Variants in HSPA8 observed in about 807,000 individuals in gnomAD.
HSPA8 encodes the protein heat shock protein family A (Hsp70) member 8.
A neutral mutation model predicts 52.8 loss-of-function variants in HSPA8; 2 were observed. The observed-to-expected ratio is 0.04, with a 90% CI of 0.02 to 0.12. The LOEUF (loss-of-function observed/expected upper bound fraction) is 0.12, where lower values mean the gene tolerates loss of function less well. Ranked by LOEUF, HSPA8 falls within the 10% of genes least tolerant of loss-of-function variation. The pLI, the probability that HSPA8 is intolerant of heterozygous loss-of-function variation, is 1.00. For missense variants in HSPA8, 349 were observed against 800.5 expected (o/e 0.44, Z 6.81); for synonymous variants, 436 against 274.0 (o/e 1.59, Z -5.84).
At position 123,060,809 on chromosome 11, in the gene HSPA8, T is replaced by G. The variant is rs1319082567; in HGVS notation, c.206-11A>C. On this transcript the variant is annotated splice_polypyrimidine_tract_variant and intron_variant, in intron 2 of 8. Transcript: ENST00000534624. The stretch of plus-strand genomic sequence containing the variant: ...TCAGACGTTTGGCATCTGTAAAAGG[T>G]GTCAAATGAAAACACTTTCAATTTC... 1.2e-6 allele frequency: 2 copies of G among 1,601,896 alleles called. No individual in the cohort carries two copies. Among genetic ancestry groups the G allele is most frequent in the Non-Finnish European group, 1.7e-6 (2 of 1,176,946 alleles).
chr11:123,062,025 TCCCAGAC>T (rs1195407354), intron 1 of HSPA8, 32 bp downstream of exon 1: 1 of 152,874 alleles, frequency 6.5e-6, no homozygotes, highest in Non-Finnish European at 1.5e-5. Context: ...GGCTGCACGC[TCCCAGAC>T]CCACAACCCA....
rs1163501093 is a variant in HSPA8, at chr11:123,057,509, A to G, written c.*225T>C. ...AGCAATTGTATGGTGCCAATTTTAA[A>G]TAGTTTTATTTAAGACATTGCATTT... On this transcript the variant is annotated 3_prime_UTR_variant, in exon 9 of 9. Coordinates refer to ENST00000534624, the MANE Select transcript of HSPA8 (RefSeq NM_006597.6). The G allele has an allele frequency of 4.7e-6, 2 of 425,652 alleles. No homozygotes were observed. The allele number at this position is 425,652 out of a possible 1,614,324, so 26.4% of individuals were successfully genotyped here. A position where few individuals can be genotyped will look rare whatever the true frequency, so the allele number is the denominator to read the frequency against.
At chr11:123,061,415 C>A (rs10892958) in intron 1 of HSPA8, 86 bp from the exon 2 acceptor site, 6 of 1,038,838 alleles carry the variant, frequency 5.8e-6, no homozygotes, top group Middle Eastern at 2.1e-4. Context: ...CCAGGAAAAA[C>A]GTATGGCCAC....
chr11:123,061,729 C>G (rs951361861), intron 1 of HSPA8: 2 of 225,890 alleles, frequency 8.9e-6, no homozygotes, highest in African/African-American at 4.6e-5. Context: ...TGGGACTGGA[C>G]TAAGCAGGGA....
rs1865392306 is a variant in HSPA8, at chr11:123,058,634, T to C, written c.1520A>G (p.Lys507Arg). The C allele has an allele frequency of 2.5e-6, 4 of 1,611,380 alleles. No individual in the cohort carries two copies. Among genetic ancestry groups the C allele is most frequent in the Non-Finnish European group, 2.5e-6 (3 of 1,177,906 alleles). The change falls in exon 7 of 9, where the codon AAG (lysine) becomes AGG (arginine). Residue 507 changes from lysine (K) to arginine (R), a missense_variant and splice_region_variant. Coordinates refer to ENST00000534624, the MANE Select transcript of HSPA8 (RefSeq NM_006597.6). ...ACCAGATGACAGTGCCTCCTTACCCTTGTCATTAGTGATAGTAATCTTGTT... is the reference window on the plus strand; with the variant it reads ...ACCAGATGACAGTGCCTCCTTACCCCTGTCATTAGTGATAGTAATCTTGTT... ...KENKITITND[K>R]GRLSKEDIER...
At chr11:123,057,987 C>T in intron 8 of HSPA8, 68 bp from the exon 9 acceptor site, 1 of 1,249,322 alleles carries the variant, frequency 8.0e-7, no homozygotes, top group Non-Finnish European at 1.1e-6. Context: ...CTCCCTGACG[C>T]AATCTGATAC....
chr11:123,058,025 A>G, intron 8 of HSPA8, 106 bp from the exon 9 acceptor site: 1 of 887,602 alleles, frequency 1.1e-6, no homozygotes, highest in South Asian at 1.7e-5. Flanking sequence ...CTCTTACAAG[A>G]GGGCCACTAC....
rs765064409 is a variant in HSPA8 at position 123,058,237 on chromosome 11, A to AC, written c.1755+14_1755+15insG. On this transcript the variant is annotated intron_variant, in intron 8 of 8. Coordinates refer to ENST00000534624, the MANE Select transcript of HSPA8 (RefSeq NM_006597.6). Reference sequence around the variant, plus strand: ...ATTGAGTGGGGGAGGAAAAAAAAAAAAAAAAAACACAAACCTGATTCTTAT... The same window carrying AC: ...ATTGAGTGGGGGAGGAAAAAAAAAAACAAAAAAACACAAACCTGATTCTTAT... 199 of 1,503,030 alleles carry AC rather than the reference A, an allele frequency of 1.3e-4. No homozygotes were observed. Among genetic ancestry groups the AC allele is most frequent in the Non-Finnish European group, 1.8e-4 (197 of 1,095,490 alleles). The allele number at this position is 1,503,030 out of a possible 1,614,324, so 93.1% of individuals were successfully genotyped here. A position where few individuals can be genotyped will look rare whatever the true frequency, so the allele number is the denominator to read the frequency against.
intron 1 of HSPA8, chr11:123,061,784 CA>C: frequency 6.0e-6 from 1 of 165,942 alleles, no homozygotes; most frequent in Non-Finnish European, 1.3e-5. Context: ...GCGCGCCAGG[CA>C]AACCGATGCA....
intron 2 of HSPA8, 64 bp downstream of exon 2, chr11:123,061,056 T>C (rs1035754137): frequency 4.9e-6 from 7 of 1,415,232 alleles, no homozygotes; most frequent in Non-Finnish European, 7.0e-6. Flanking sequence ...TCCTCACGTT[T>C]CATAAACTTT....
In HSPA8 at chr11:123,060,310, T is replaced by C. The variant is rs2135444747; in HGVS notation, c.412-42A>G. 4.4e-6 allele frequency: 7 copies of C among 1,579,878 alleles called. No individual in the cohort carries two copies. The South Asian group carries it at 7.8e-5, about 18-fold the overall frequency. ...GACCACAGATTGGTAACTATTATAC[T>C]TACATATATGCAAACTCCAGCAAAT... On this transcript the variant is annotated intron_variant, in intron 3 of 8. Coordinates refer to ENST00000534624, the MANE Select transcript of HSPA8 (RefSeq NM_006597.6).
In HSPA8 at chr11:123,059,606, T is replaced by C. The variant is rs139992369; in HGVS notation, c.987A>G (p.Ser329=). The C allele has an allele frequency of 1.7e-3, 2,802 of 1,614,136 alleles. 1 individual carries two copies. The highest frequency in any genetic ancestry group is 3.0e-3 in the South Asian group (274 of 91,076). ...KALRDAKLDK[S]QIHDIVLVGG... The stretch of plus-strand genomic sequence containing the variant: ...CAACCAGGACAATATCATGAATCTG[T>C]GACTTGTCTAGTTTGGCATCTCGAA... Residue 329 remains serine, a synonymous_variant, in exon 5 of 9, where the codon TCA becomes TCG. Coordinates refer to ENST00000534624, the MANE Select transcript of HSPA8 (RefSeq NM_006597.6).
chr11:123,060,096 G>A lies in HSPA8; in HGVS notation c.564+20C>T, dbSNP rs1349152906. Reference sequence around the variant, plus strand: ...ATTAATCTTAAAATAATCCGAACTTGCATCACAAATGGTACATACCTTTTT... The same window carrying A: ...ATTAATCTTAAAATAATCCGAACTTACATCACAAATGGTACATACCTTTTT... On this transcript the variant is annotated intron_variant, in intron 4 of 8. Coordinates refer to ENST00000534624, the MANE Select transcript of HSPA8 (RefSeq NM_006597.6). 30 of 1,613,854 alleles carry A rather than the reference G, an allele frequency of 1.9e-5. No homozygotes were observed. The highest frequency in any genetic ancestry group is 3.3e-4 in the Middle Eastern group (2 of 6,078).
chr11:123,060,852 A>G, intron 2 of HSPA8, 54 bp from the exon 3 acceptor site: 5 of 1,499,340 alleles, frequency 3.3e-6, no homozygotes, highest in Non-Finnish European at 3.7e-6. Flanking sequence ...TTCTGATAAA[A>G]CTCAAGTCCA....
At chr11:123,061,476 C>T (rs976553501) in intron 1 of HSPA8, 147 bp from the exon 2 acceptor site, 2 of 657,578 alleles carry the variant, frequency 3.0e-6, no homozygotes, top group Non-Finnish European at 5.3e-6. Context: ...CGCGCGAGGT[C>T]CAGAACTAGT....
At chr11:123,061,526 G>A (rs867449549) in intron 1 of HSPA8, 197 bp from the exon 2 acceptor site, 23 of 599,092 alleles carry the variant, frequency 3.8e-5, no homozygotes, top group African/African-American at 3.5e-4. Flanking sequence ...AGCAGAGCAC[G>A]CCCTAGATGA....
chr11:123,057,729 T>C lies in HSPA8; in HGVS notation c.*5A>G. 1 of 1,600,988 alleles carries C rather than the reference T, an allele frequency of 6.2e-7. No homozygotes were observed. On this transcript the variant is annotated 3_prime_UTR_variant, in exon 9 of 9. Transcript: ENST00000534624. ...GGAACAATGCTACATCTACACTTGG[T>C]TGGCTTAATCAACCTCTTCAATGGT...
intron 3 of HSPA8, 99 bp from the exon 4 acceptor site, chr11:123,060,367 AC>A (rs149047184): frequency 5.8e-4 from 640 of 1,104,726 alleles, no homozygotes; most frequent in Non-Finnish European, 6.5e-4. Context: ...CAGCTGGAGC[AC>A]CCCCCCCACC....
intron 1 of HSPA8, 50 bp from the exon 2 acceptor site, chr11:123,061,379 C>G (rs1193781949): frequency 1.4e-6 from 2 of 1,381,454 alleles, no homozygotes; most frequent in African/African-American, 2.9e-5. Flanking sequence ...CAAAATATTT[C>G]CCTCATCCCT....
Sources: allele counts gnomAD v4.1 joint callset, GRCh38; gene constraint gnomAD v4.1.1; transcripts MANE v1.5; gene names NCBI Gene and HGNC (gene_info 2026-07-23, HGNC 2026-07-21).